TNRC6A: variants seen among roughly 807,000 people sequenced by gnomAD.
TNRC6A encodes the protein trinucleotide repeat containing adaptor 6A, also known as trinucleotide repeat-containing gene 6A protein.
Under a neutral mutation model 221.2 loss-of-function variants are expected in TNRC6A, and 44 were observed. The observed-to-expected ratio is 0.20, with a 90% confidence interval of 0.16 to 0.26. TNRC6A has a LOEUF of 0.26. Ranked by LOEUF, TNRC6A falls within the 10% of genes least tolerant of loss-of-function variation. TNRC6A has a pLI of 1.00. For synonymous variants in TNRC6A, 847 were observed against 838.5 expected, an observed-to-expected ratio of 1.01 and a Z score of -0.18; for missense variants, 2,199 against 2,404.4, an observed-to-expected ratio of 0.91 and a Z score of 1.79.
intron 2 of TNRC6A, among the ~76,000 whole-genome samples, chr16:24,658,329 A>G (rs1017213676): frequency 2.0e-5 from 3 of 152,032 alleles, no homozygotes; most frequent in African/African-American, 7.3e-5. Context: ...CCTCTTTGTT[A>G]TGATATTTCC....
At chr16:24,759,156 G>C (rs2057311231) in intron 4 of TNRC6A, among the ~76,000 whole-genome samples, 1 of 151,714 alleles carries the variant, frequency 6.6e-6, no homozygotes, top group Non-Finnish European at 1.5e-5. Context: ...GAAATAACAT[G>C]ATGTGGCTTG....
intron 2 of TNRC6A, among the ~76,000 whole-genome samples, chr16:24,669,675 G>A (rs1250423813): frequency 1.3e-5 from 2 of 151,972 alleles, no homozygotes; most frequent in Admixed American, 6.6e-5. Flanking sequence ...AGTACCATTC[G>A]TGGGAGAGGA....
At chr16:24,626,953 G>GTTT (rs374063274) in intron 1 of TNRC6A, among the ~76,000 whole-genome samples, 1 of 138,958 alleles carries the variant, frequency 7.2e-6, no homozygotes, top group Non-Finnish European at 1.6e-5. Context: ...CGCCCAGCCT[G>GTTT]TTTTTTTTTT....
intron 1 of TNRC6A, among the ~76,000 whole-genome samples, chr16:24,629,972 C>CAA (rs34035008): frequency 1.8e-4 from 26 of 145,682 alleles, no homozygotes; most frequent in African/African-American, 4.0e-4. Context: ...GACCCTGTCT[C>CAA]AAAAAAAAAA....
At chr16:24,671,010 C>T (rs1428445566) in intron 2 of TNRC6A, 1 of 392,710 alleles carries the variant, frequency 2.5e-6, no homozygotes, top group Non-Finnish European at 5.3e-6. Flanking sequence ...CAGCACATTC[C>T]TCATCTTCCT....
At chr16:24,713,377 C>T (rs2056244795) in intron 2 of TNRC6A, among the ~76,000 whole-genome samples, 1 of 151,942 alleles carries the variant, frequency 6.6e-6, no homozygotes, top group Admixed American at 6.6e-5. Context: ...GAGATCATGC[C>T]AGTGCACTCC....
At chr16:24,782,778 A>C (rs1313326512) in intron 5 of TNRC6A, among the ~76,000 whole-genome samples, 2 of 152,074 alleles carry the variant, frequency 1.3e-5, no homozygotes, top group Non-Finnish European at 2.9e-5. Context: ...GCTACTCGGG[A>C]GGCTGAGGCA....
intron 2 of TNRC6A, among the ~76,000 whole-genome samples, chr16:24,672,452 T>C (rs1333951347): frequency 6.6e-6 from 1 of 151,096 alleles, no homozygotes; most frequent in Non-Finnish European, 1.5e-5. Context: ...TACTTGTTTA[T>C]TTTTTTTGAG....
intron 5 of TNRC6A, among the ~76,000 whole-genome samples, chr16:24,787,445 G>T (rs2057998436): frequency 6.6e-6 from 1 of 152,188 alleles, no homozygotes; most frequent in Non-Finnish European, 1.5e-5. Flanking sequence ...AGGATTCAGT[G>T]ATAAAAGTGC....
chr16:24,688,856 A>T (rs2055693700), intron 2 of TNRC6A, among the ~76,000 whole-genome samples: 1 of 152,232 alleles, frequency 6.6e-6, no homozygotes, highest in African/African-American at 2.4e-5. Flanking sequence ...CTTTATGGAT[A>T]CAATGAATTT....
intron 2 of TNRC6A, among the ~76,000 whole-genome samples, chr16:24,648,738 G>A (rs940278334): frequency 1.3e-5 from 2 of 152,196 alleles, no homozygotes; most frequent in South Asian, 2.1e-4. Context: ...GTCTCCTAGT[G>A]TCAAGGGATG....
intron 2 of TNRC6A, among the ~76,000 whole-genome samples, chr16:24,722,319 C>T (rs367953205): frequency 2.0e-4 from 30 of 152,084 alleles, no homozygotes; most frequent in African/African-American, 6.0e-4. Flanking sequence ...GAAGCTGAGA[C>T]GGGAGGATCA....
chr16:24,729,856 A>G lies in TNRC6A; in HGVS notation c.5+10A>G. 3 of 1,297,720 alleles carry G rather than the reference A, an allele frequency of 2.3e-6. No homozygotes were observed. The highest frequency in any genetic ancestry group is 3.3e-5 in the East Asian group (1 of 30,344). 80.4% of individuals were successfully genotyped at this position (1,297,720 alleles called of 1,614,324 possible). Reference sequence around the variant, plus strand: ...ACTTTACACACATGAGGTGAGCGGAACAAGGGCCTCCCTCCGGGCGGGAGG... The same window carrying G: ...ACTTTACACACATGAGGTGAGCGGAGCAAGGGCCTCCCTCCGGGCGGGAGG... On this transcript the variant is annotated intron_variant, in intron 1 of 24. Transcript: ENST00000395799.
chr16:24,810,338 A>G (rs960344252), intron 18 of TNRC6A, among the ~76,000 whole-genome samples: 3 of 152,208 alleles, frequency 2.0e-5, no homozygotes, highest in African/African-American at 7.2e-5. Context: ...CATAGACACA[A>G]TGTACATACA....
At chr16:24,696,010 G>A (rs1369000432) in intron 2 of TNRC6A, among the ~76,000 whole-genome samples, 1 of 152,116 alleles carries the variant, frequency 6.6e-6, no homozygotes, top group Non-Finnish European at 1.5e-5. Flanking sequence ...GAAGGGAACA[G>A]CTAATGGTGG....
At position 24,791,018 on chromosome 16, in the gene TNRC6A, G is replaced by T; in HGVS notation, c.2376G>T (p.Trp792Cys). 6.3e-7 allele frequency: 1 copy of T among 1,592,026 alleles called. No homozygotes were observed. Among genetic ancestry groups the T allele is most frequent in the Non-Finnish European group, 8.6e-7 (1 of 1,169,070 alleles). Residue 792 changes from tryptophan (W) to cysteine (C), a missense_variant, in exon 6 of 25, where the codon TGG becomes TGT. Trp to Cys is a radical substitution (Grantham distance 215). Coordinates refer to ENST00000395799, the MANE Select transcript of TNRC6A (RefSeq NM_014494.4). Reference protein sequence around the residue: ...GWGDPKPALRWGDSKGSNCQG... With the variant: ...GWGDPKPALRCGDSKGSNCQG... ...GCGATCCCAAACCTGCTCTGAGGTG[G>T]GGAGATTCCAAAGGCTCAAACTGCC...
At chr16:24,640,461 C>T (rs1202737228) in intron 1 of TNRC6A, among the ~76,000 whole-genome samples, 1 of 151,382 alleles carries the variant, frequency 6.6e-6, no homozygotes, top group African/African-American at 2.4e-5. Flanking sequence ...GTCACAGTGG[C>T]TCACACCTGT....
intron 2 of TNRC6A, among the ~76,000 whole-genome samples, chr16:24,673,526 A>G: frequency 6.6e-6 from 1 of 152,188 alleles, no homozygotes; most frequent in East Asian, 1.9e-4. Context: ...CGAGCAGTGA[A>G]ACAATCTTCC....
chr16:24,670,561 T>C (rs557175994), intron 2 of TNRC6A, among the ~76,000 whole-genome samples: 2 of 152,250 alleles, frequency 1.3e-5, no homozygotes, highest in South Asian at 4.1e-4. Context: ...TTCTCTTCAA[T>C]CTGTATTCTT....
Sources: gnomAD v4.1 joint callset for allele counts (sites outside exome capture counted in the v4.1 genomes callset) on GRCh38, gnomAD v4.1.1 for gene constraint, MANE v1.5 for transcripts, NCBI Gene and HGNC (gene_info 2026-07-23, HGNC 2026-07-21) for gene names.